The following CNIH1 variants were observed in gnomAD, a reference collection of about 807,000 sequenced individuals.
CNIH1 encodes protein cornichon homolog 1.
CNIH1 carries 12 observed loss-of-function variants against 20.2 expected under a neutral mutation model. The observed-to-expected ratio is 0.59, with a 90% CI of 0.38 to 0.96. The LOEUF (loss-of-function observed/expected upper bound fraction) is 0.96. Ranked by LOEUF, CNIH1 falls within the 40% of genes least tolerant of loss-of-function variation. The pLI, the probability that CNIH1 is intolerant of heterozygous loss-of-function variation, is 0.00. For missense variants in CNIH1, 152 were observed against 178.8 expected, an observed-to-expected ratio of 0.85 and a Z score of 0.85; for synonymous variants, 69 against 63.3, an observed-to-expected ratio of 1.09 and a Z score of -0.43.
Position 54,430,355 on chromosome 14 carries a change from T to C in CNIH1, c.313A>G (p.Thr105Ala), listed in dbSNP as rs765028966. 5 of 1,614,120 alleles carry C rather than the reference T, an allele frequency of 3.1e-6. No individual in the cohort carries two copies. The highest frequency in any genetic ancestry group is 2.2e-5 in the East Asian group (1 of 44,872). ...GCTAGAATATCTGCATTCATGATGG[T>C]TGTAGGGTCATAGAGTCCTGGGCCA... ...MSGPGLYDPTTIMNADILAYC... is the reference protein window; with the variant it reads ...MSGPGLYDPTAIMNADILAYC... The change falls in exon 4 of 5, where the codon ACC becomes GCC. Residue 105 changes from threonine to alanine, a missense_variant. Coordinates refer to ENST00000216416, the MANE Select transcript of CNIH1 (RefSeq NM_005776.3).
chr14:54,432,591 T>C (rs1367045309), intron 2 of CNIH1, among the ~76,000 whole-genome samples: 1 of 152,206 alleles, frequency 6.6e-6, no homozygotes, highest in Non-Finnish European at 1.5e-5. Flanking sequence ...AAAAATGAGA[T>C]ATCTGATCAC....
chr14:54,427,539 T>C lies in CNIH1; in HGVS notation c.*275A>G. ...CATTCAGAGGATTATGGCTGTTCCT[T>C]AAGAAGTGCAAGTTCAAACCTGTCA... On this transcript the variant is annotated 3_prime_UTR_variant, in exon 5 of 5. Coordinates refer to ENST00000216416, the MANE Select transcript of CNIH1 (RefSeq NM_005776.3). 2.3e-6 allele frequency: 1 copy of C among 442,966 alleles called. No individual in the cohort carries two copies. The highest frequency in any genetic ancestry group is 4.0e-6 in the Non-Finnish European group (1 of 249,696). 27.4% of individuals were successfully genotyped at this position (442,966 alleles called of 1,614,324 possible).
At position 54,430,103 on chromosome 14, in the gene CNIH1, G is replaced by C. The variant is rs1285218122; in HGVS notation, c.407+158C>G. On this transcript the variant is annotated intron_variant, in intron 4 of 4. Coordinates refer to ENST00000216416, the MANE Select transcript of CNIH1 (RefSeq NM_005776.3). ...TACTGCCTTGACAAGCACCAGTGTG[G>C]GCCACACTGAATGTGTGCGAATTTG... 9.9e-6 allele frequency: 7 copies of C among 704,506 alleles called. No homozygotes were observed. The East Asian group carries it at 1.9e-4, about 20-fold the overall frequency. The allele number at this position is 704,506 out of a possible 1,614,324, so 43.6% of individuals were successfully genotyped here. A position where few individuals can be genotyped will look rare whatever the true frequency, so the allele number is the denominator to read the frequency against.
chr14:54,436,810 G>A (rs1351647784), intron 1 of CNIH1: 1 of 438,718 alleles, frequency 2.3e-6, no homozygotes, highest in Non-Finnish European at 4.5e-6. Context: ...AACCTTCCTA[G>A]GTCAACTTCT....
chr14:54,431,151 C>T (rs2030934849), intron 3 of CNIH1, among the ~76,000 whole-genome samples: 1 of 149,388 alleles, frequency 6.7e-6, no homozygotes, highest in South Asian at 2.1e-4. Flanking sequence ...TTTTTTGAGA[C>T]AGAGTCTTGC....
intron 2 of CNIH1, chr14:54,436,058 T>G: frequency 1.4e-6 from 1 of 702,028 alleles, no homozygotes; most frequent in Non-Finnish European, 2.6e-6. Context: ...TTAAAACATT[T>G]AACTAAAAAG....
At chr14:54,429,780 A>T (rs956407706) in intron 4 of CNIH1, among the ~76,000 whole-genome samples, 2 of 152,086 alleles carry the variant, frequency 1.3e-5, no homozygotes, top group Non-Finnish European at 2.9e-5. Context: ...AAAATCGGAA[A>T]CTGCACCACC....
intron 2 of CNIH1, among the ~76,000 whole-genome samples, chr14:54,435,635 T>G (rs1163855670): frequency 6.6e-6 from 1 of 152,200 alleles, no homozygotes; most frequent in Non-Finnish European, 1.5e-5. Context: ...GCTATCCACC[T>G]AACAGGCTCT....
chr14:54,434,112 T>G (rs1387802321), intron 2 of CNIH1, among the ~76,000 whole-genome samples: 1 of 152,200 alleles, frequency 6.6e-6, no homozygotes, highest in Non-Finnish European at 1.5e-5. Context: ...TATAATATTC[T>G]CTTGTTAAAG....
chr14:54,429,695 G>A (rs1201944580), intron 4 of CNIH1, among the ~76,000 whole-genome samples: 2 of 152,104 alleles, frequency 1.3e-5, no homozygotes, highest in Non-Finnish European at 2.9e-5. Flanking sequence ...GTGGGGCGGA[G>A]GTTGCAGTGA....
rs1374193400 is a variant in CNIH1, at chr14:54,426,748, G to A, written c.*1066C>T. On this transcript the variant is annotated 3_prime_UTR_variant, in exon 5 of 5. Coordinates refer to ENST00000216416, the MANE Select transcript of CNIH1 (RefSeq NM_005776.3). ...TCCACGTTTATGAATCTTGTCAAAT[G>A]ACAAAAGAGGTTAATGTGCTCGGCA... is the stretch of plus-strand genomic sequence containing the variant. The A allele has an allele frequency of 6.6e-6, 1 of 152,140 alleles. No homozygotes were observed. Among genetic ancestry groups the A allele is most frequent in the Non-Finnish European group, 1.5e-5 (1 of 68,006 alleles). 9.4% of individuals were successfully genotyped at this position (152,140 alleles called of 1,614,324 possible).
chr14:54,429,219 G>A (rs1428244746), intron 4 of CNIH1, among the ~76,000 whole-genome samples: 1 of 152,194 alleles, frequency 6.6e-6, no homozygotes, highest in Non-Finnish European at 1.5e-5. Context: ...CTACAGCAGT[G>A]GTTCTCACCC....
At chr14:54,435,251 C>G (rs1454610064) in intron 2 of CNIH1, among the ~76,000 whole-genome samples, 1 of 151,860 alleles carries the variant, frequency 6.6e-6, no homozygotes, top group Non-Finnish European at 1.5e-5. Context: ...GGCAAAAATA[C>G]AAAAAAACAA....
At chr14:54,429,950 AT>A (rs1566716005) in intron 4 of CNIH1, among the ~76,000 whole-genome samples, 3 of 152,196 alleles carry the variant, frequency 2.0e-5, no homozygotes, top group African/African-American at 7.2e-5. Context: ...AAACTCACAC[AT>A]CCCTATCCTT....
intron 4 of CNIH1, 28 bp from the exon 5 acceptor site, chr14:54,427,869 T>A (rs2030857495): frequency 3.1e-6 from 5 of 1,607,166 alleles, no homozygotes; most frequent in Non-Finnish European, 4.3e-6. Context: ...GATGTTAATT[T>A]GAACATTACT....
Position 54,425,078 on chromosome 14 carries a change from T to C in CNIH1, c.*2736A>G, listed in dbSNP as rs926504465. 6.6e-6 allele frequency: 1 copy of C among 152,204 alleles called. No individual in the cohort carries two copies. Among genetic ancestry groups the C allele is most frequent in the East Asian group, 1.9e-4 (1 of 5,202 alleles). 9.4% of individuals were successfully genotyped at this position (152,204 alleles called of 1,614,324 possible). The stretch of plus-strand genomic sequence containing the variant: ...CATTGAGAAAACTGTCAAACATCAT[T>C]AATAACATTTGGATATGAGTGTTCA... On this transcript the variant is annotated 3_prime_UTR_variant, in exon 5 of 5. Coordinates refer to ENST00000216416, the MANE Select transcript of CNIH1 (RefSeq NM_005776.3).
intron 1 of CNIH1, among the ~76,000 whole-genome samples, 162 bp downstream of exon 1, chr14:54,441,085 G>A (rs2031163058): frequency 6.6e-6 from 1 of 151,508 alleles, no homozygotes; most frequent in African/African-American, 2.4e-5. Flanking sequence ...GGCTCCTCCA[G>A]TACCCGCGGC....
Position 54,425,638 on chromosome 14 carries a change from A to G in CNIH1, c.*2176T>C, listed in dbSNP as rs1164664952. The G allele has an allele frequency of 6.6e-6, 1 of 152,240 alleles. No individual in the cohort carries two copies. The highest frequency in any genetic ancestry group is 1.9e-4 in the East Asian group (1 of 5,198). 9.4% of individuals were successfully genotyped at this position (152,240 alleles called of 1,614,324 possible). A position where few individuals can be genotyped will look rare whatever the true frequency, so the allele number is the denominator to read the frequency against. On this transcript the variant is annotated 3_prime_UTR_variant, in exon 5 of 5. Transcript: ENST00000216416. Reference sequence around the variant, plus strand: ...CTAATTCATAAAACACTGACATGGTAAAAGTGGGTAGATATTAGGAGAGCA... The same window carrying G: ...CTAATTCATAAAACACTGACATGGTGAAAGTGGGTAGATATTAGGAGAGCA...
At chr14:54,434,267 T>C (rs1483753173) in intron 2 of CNIH1, among the ~76,000 whole-genome samples, 1 of 152,202 alleles carries the variant, frequency 6.6e-6, no homozygotes, top group African/African-American at 2.4e-5. Flanking sequence ...TGTGCTGCTA[T>C]AAAAACGTCC....
Sources: gnomAD v4.1 joint callset for allele counts (sites outside exome capture counted in the v4.1 genomes callset) on GRCh38, gnomAD v4.1.1 for gene constraint, MANE v1.5 for transcripts, NCBI Gene and HGNC (gene_info 2026-07-23, HGNC 2026-07-21) for gene names.